The following NAV2 variants were observed in gnomAD, a reference collection of about 807,000 sequenced individuals.
The protein encoded by NAV2 is helicase, APC down-regulated 1.
NAV2 carries 54 observed loss-of-function variants against 223.2 expected under a neutral mutation model. The observed-to-expected ratio is 0.24, with a 90% CI of 0.19 to 0.30. The LOEUF is 0.30. NAV2 is among the 10% of genes least tolerant of loss of function. The pLI is 1.00. For missense variants in NAV2, 2,806 were observed against 3,147.5 expected (o/e 0.89, Z 2.60); for synonymous variants, 1,279 against 1,239.3 (o/e 1.03, Z -0.67).
Position 20,043,977 on chromosome 11 carries a change from A to G in NAV2, c.2908-4A>G. The G allele has an allele frequency of 6.2e-7, 1 of 1,612,380 alleles. No individual in the cohort carries two copies. The highest frequency in any genetic ancestry group is 8.5e-7 in the Non-Finnish European group (1 of 1,178,514). ...GGACTAATTCAGAGAGTCTCTGTCC[A>G]CAGACTGATGCTGAGAAGCACTCAC... On this transcript the variant is annotated splice_polypyrimidine_tract_variant and splice_region_variant and intron_variant, in intron 12 of 37. Transcript: ENST00000349880.
intron 12 of NAV2, among the ~76,000 whole-genome samples, chr11:20,038,395 T>C (rs2056601263): frequency 6.6e-6 from 1 of 152,146 alleles, no homozygotes; most frequent in African/African-American, 2.4e-5. Context: ...AAAAAGTAGG[T>C]CTTAAAGTAA....
chr11:19,431,472 C>T (rs1851034528), intron 1 of NAV2, among the ~76,000 whole-genome samples: 2 of 152,144 alleles, frequency 1.3e-5, no homozygotes, highest in African/African-American at 2.4e-5. Context: ...CCATGGTTTT[C>T]AAATTTTATT....
rs553097116 is a variant in NAV2, at chr11:20,077,929, G to A, written c.5068-64G>A. ...GCTCCTCCTGTGTTGAAGCCAAGTT[G>A]TACTTCAGTTGAACTCTGTACAGAA... On this transcript the variant is annotated intron_variant, in intron 23 of 37. Coordinates refer to ENST00000349880, the MANE Select transcript of NAV2 (RefSeq NM_145117.5). 2.1e-3 allele frequency: 2,810 copies of A among 1,321,718 alleles called. 8 individuals carry two copies. The highest frequency in any genetic ancestry group is 2.8e-3 in the Non-Finnish European group (2,577 of 927,884). The allele number at this position is 1,321,718 out of a possible 1,614,324, so 81.9% of individuals were successfully genotyped here.
At chr11:19,702,202 G>A (rs375596898) in intron 1 of NAV2, among the ~76,000 whole-genome samples, 3 of 152,302 alleles carry the variant, frequency 2.0e-5, no homozygotes, top group Non-Finnish European at 2.9e-5. Context: ...TGTGGGATCC[G>A]CTTCCCTGGA....
At chr11:19,773,188 G>A (rs2055861026) in intron 1 of NAV2, among the ~76,000 whole-genome samples, 1 of 152,204 alleles carries the variant, frequency 6.6e-6, no homozygotes, top group African/African-American at 2.4e-5. Flanking sequence ...CCATAGCTGG[G>A]CAGGTGCTGA....
chr11:19,591,414 T>C (rs1394329147), intron 1 of NAV2: 3 of 152,240 alleles, frequency 2.0e-5, no homozygotes, highest in Admixed American at 2.0e-4. Context: ...CTTTGTGCAG[T>C]GTGCCATGGT....
chr11:20,100,338 A>G (rs2061542205), intron 31 of NAV2, among the ~76,000 whole-genome samples: 1 of 152,204 alleles, frequency 6.6e-6, no homozygotes. Context: ...GTCTGCCAGT[A>G]TTCACATTCC....
intron 5 of NAV2, 58 bp downstream of exon 5, chr11:19,880,185 C>A (rs913570767): frequency 3.3e-5 from 49 of 1,490,688 alleles, no homozygotes; most frequent in Admixed American, 7.2e-5. Context: ...TCCACCCCAA[C>A]CAATCTCTAG....
intron 1 of NAV2, among the ~76,000 whole-genome samples, chr11:19,729,378 C>A (rs2152408227): frequency 6.6e-6 from 1 of 152,246 alleles, no homozygotes; most frequent in Non-Finnish European, 1.5e-5. Flanking sequence ...TCCCTGCTGC[C>A]ATTGGCAGGA....
At chr11:19,892,786 A>G (rs1275465059) in intron 6 of NAV2, among the ~76,000 whole-genome samples, 192 bp downstream of exon 6, 1 of 152,230 alleles carries the variant, frequency 6.6e-6, no homozygotes, top group Non-Finnish European at 1.5e-5. Context: ...ATATTGTTAT[A>G]GTCACTAGCA....
intron 1 of NAV2, among the ~76,000 whole-genome samples, chr11:19,462,039 C>A (rs1282258150): frequency 2.0e-5 from 3 of 152,190 alleles, no homozygotes; most frequent in Non-Finnish European, 4.4e-5. Flanking sequence ...GAGCTCCTGA[C>A]CTCACGTCAT....
intron 1 of NAV2, among the ~76,000 whole-genome samples, chr11:19,795,512 A>G (rs2057818985): frequency 6.6e-6 from 1 of 152,252 alleles, no homozygotes; most frequent in South Asian, 2.1e-4. Flanking sequence ...AAAAATAAAT[A>G]TATAGCTATT....
At chr11:19,710,463 G>A (rs2049830770), upstream of NAV2, among the ~76,000 whole-genome samples, 1 of 152,206 alleles carries the variant, frequency 6.6e-6, no homozygotes, top group Admixed American at 6.5e-5. Context: ...ATATTCATTA[G>A]GGCAGAATAT....
At chr11:19,817,774 A>G (rs2059169302) in intron 1 of NAV2, among the ~76,000 whole-genome samples, 1 of 152,098 alleles carries the variant, frequency 6.6e-6, no homozygotes, top group Non-Finnish European at 1.5e-5. Flanking sequence ...CACTCTCTTA[A>G]TGGGGAGTAA....
chr11:20,112,272 T>C (rs7124370), intron 36 of NAV2, among the ~76,000 whole-genome samples: 128,445 of 152,066 alleles, frequency 0.84, 55,597 homozygotes, highest in Non-Finnish European at 0.96. Context: ...CAATAATTGC[T>C]TTTCAAATGC....
intron 10 of NAV2, among the ~76,000 whole-genome samples, chr11:19,965,546 A>G (rs1050823734): frequency 6.6e-6 from 1 of 152,188 alleles, no homozygotes; most frequent in African/African-American, 2.4e-5. Flanking sequence ...CCAGATGATG[A>G]CAATTCATCC....
At chr11:19,379,892 G>C (rs11025108) in intron 1 of NAV2, among the ~76,000 whole-genome samples, 3,438 of 152,118 alleles carry the variant, frequency 0.023, 53 homozygotes, top group Middle Eastern at 0.034. Context: ...AATTTAACAG[G>C]CTCTTCCAAA....
At chr11:19,586,582 A>C (rs1198886768) in intron 1 of NAV2, among the ~76,000 whole-genome samples, 1 of 152,086 alleles carries the variant, frequency 6.6e-6, no homozygotes, top group African/African-American at 2.4e-5. Context: ...TCTGTTTGTT[A>C]GTTTTCCTTC....
At chr11:20,110,274 A>T (rs888033401) in intron 36 of NAV2, among the ~76,000 whole-genome samples, 1 of 152,190 alleles carries the variant, frequency 6.6e-6, no homozygotes, top group Non-Finnish European at 1.5e-5. Flanking sequence ...CTCAAAAGTG[A>T]GTCACTATGC....
Sources: allele counts gnomAD v4.1 joint callset (sites outside exome capture counted in the v4.1 genomes callset), GRCh38; gene constraint gnomAD v4.1.1; transcripts MANE v1.5; gene names NCBI Gene and HGNC (gene_info 2026-07-23, HGNC 2026-07-21).